SEMA3D: variants seen among roughly 807,000 people sequenced by gnomAD.
SEMA3D encodes semaphorin-3D.
A neutral mutation model predicts 100.1 loss-of-function variants in SEMA3D; 84 were observed. The observed-to-expected ratio is 0.84, with a 90% CI of 0.70 to 1.01. The LOEUF (loss-of-function observed/expected upper bound fraction) is 1.01. SEMA3D is among the 50% of genes least tolerant of loss of function. The pLI is 0.00. For synonymous variants in SEMA3D, 312 were observed against 320.7 expected (o/e 0.97, Z 0.29); for missense variants, 875 against 934.1 (o/e 0.94, Z 0.82).
chr7:85,150,126 T>C (rs750664196), intron 2 of SEMA3D, among the ~76,000 whole-genome samples: 1 of 151,848 alleles, frequency 6.6e-6, no homozygotes, highest in Non-Finnish European at 1.5e-5. Flanking sequence ...ATATGTAATT[T>C]AAGAATATTT....
chr7:85,206,715 A>G, the SEMA3D span, among the ~76,000 whole-genome samples: 3 of 152,190 alleles, frequency 2.0e-5, no homozygotes, highest in African/African-American at 7.2e-5. Context: ...GATTATCTAG[A>G]TCACTTTTCT....
chr7:85,032,435 T>A (rs1442104627), intron 12 of SEMA3D, among the ~76,000 whole-genome samples: 1 of 152,044 alleles, frequency 6.6e-6, no homozygotes, highest in Non-Finnish European at 1.5e-5. Flanking sequence ...AGGCTACCTA[T>A]CTATGCATGA....
At chr7:85,184,487 CTTTG>C (rs1403323445) in intron 1 of SEMA3D, among the ~76,000 whole-genome samples, 2 of 151,264 alleles carry the variant, frequency 1.3e-5, no homozygotes, top group Admixed American at 6.6e-5. Flanking sequence ...ATCTTTATGT[CTTTG>C]TTTTTTTTTT....
At chr7:85,108,005 A>G (rs2116353643) in intron 3 of SEMA3D, among the ~76,000 whole-genome samples, 1 of 152,136 alleles carries the variant, frequency 6.6e-6, no homozygotes, top group East Asian at 1.9e-4. Flanking sequence ...TGATGAAAAT[A>G]CTCCAATACC....
At chr7:85,056,494 A>G (rs1791321311) in intron 8 of SEMA3D, among the ~76,000 whole-genome samples, 1 of 151,732 alleles carries the variant, frequency 6.6e-6, no homozygotes, top group South Asian at 2.1e-4. Context: ...AATTTATATT[A>G]TTATCAAGTG....
intron 3 of SEMA3D, among the ~76,000 whole-genome samples, chr7:85,098,357 G>A (rs114214812): frequency 0.017 from 2,540 of 151,436 alleles, 69 homozygotes; most frequent in African/African-American, 0.058. Context: ...AATTAAATAC[G>A]AAATATTTTA....
At chr7:85,174,228 G>A (rs1482885557) in intron 1 of SEMA3D, among the ~76,000 whole-genome samples, 4 of 152,098 alleles carry the variant, frequency 2.6e-5, no homozygotes, top group African/African-American at 9.7e-5. Context: ...TTTAACCCAC[G>A]GTGATAAAGA....
intron 3 of SEMA3D, among the ~76,000 whole-genome samples, chr7:85,118,658 C>G (rs1333034996): frequency 6.6e-6 from 1 of 152,002 alleles, no homozygotes; most frequent in Non-Finnish European, 1.5e-5. Context: ...CTCATAGATG[C>G]TTTATATTAG....
chr7:85,235,724 A>G, the SEMA3D span, among the ~76,000 whole-genome samples: 2 of 152,182 alleles, frequency 1.3e-5, no homozygotes, highest in African/African-American at 2.4e-5. Context: ...ATCCTAGAAT[A>G]ATGTGTGTGT....
chr7:85,115,214 A>T (rs185606209), intron 3 of SEMA3D, among the ~76,000 whole-genome samples: 17 of 152,328 alleles, frequency 1.1e-4, no homozygotes, highest in Admixed American at 9.8e-4. Context: ...CAGGGCTAGC[A>T]TCCTAGGCTG....
chr7:85,225,828 C>A, the SEMA3D span, among the ~76,000 whole-genome samples: 1 of 152,060 alleles, frequency 6.6e-6, no homozygotes, highest in Non-Finnish European at 1.5e-5. Context: ...TTGCATCCGG[C>A]CAGGGGGACA....
At chr7:85,117,879 A>G (rs1023398669) in intron 3 of SEMA3D, among the ~76,000 whole-genome samples, 6 of 150,886 alleles carry the variant, frequency 4.0e-5, no homozygotes, top group Non-Finnish European at 8.9e-5. Context: ...ATAAAAATAT[A>G]TCTTTTTGTA....
the SEMA3D span, among the ~76,000 whole-genome samples, chr7:85,211,158 T>G: frequency 6.6e-6 from 1 of 152,152 alleles, no homozygotes; most frequent in East Asian, 1.9e-4. Flanking sequence ...TGGGCTTAAA[T>G]GCAAACAACA....
chr7:85,201,475 C>G, the SEMA3D span, among the ~76,000 whole-genome samples: 1 of 152,126 alleles, frequency 6.6e-6, no homozygotes, highest in Non-Finnish European at 1.5e-5. Flanking sequence ...TTAACCTCAG[C>G]TTGGGTTCCA....
At chr7:85,244,726 T>C in the SEMA3D span, among the ~76,000 whole-genome samples, 2 of 149,564 alleles carry the variant, frequency 1.3e-5, no homozygotes, top group Admixed American at 1.3e-4. Context: ...TTTTTTTTTT[T>C]TTTGAGACTT....
the SEMA3D span, among the ~76,000 whole-genome samples, chr7:85,229,011 A>AT: frequency 2.6e-5 from 4 of 151,764 alleles, no homozygotes; most frequent in Admixed American, 6.6e-5. Flanking sequence ...TGTTTCAATG[A>AT]TTTTTTTTCT....
intron 2 of SEMA3D, among the ~76,000 whole-genome samples, chr7:85,149,328 G>A (rs770275214): frequency 1.4e-4 from 22 of 151,960 alleles, no homozygotes; most frequent in Non-Finnish European, 2.2e-4. Context: ...ATGGTGGCAC[G>A]TGCCTGTAAT....
At chr7:85,166,724 G>C (rs1790917387) in intron 1 of SEMA3D, among the ~76,000 whole-genome samples, 2 of 151,904 alleles carry the variant, frequency 1.3e-5, no homozygotes, top group Admixed American at 1.3e-4. Context: ...TTGCATTAGA[G>C]ATGACTGATG....
Position 85,040,632 on chromosome 7 carries a change from T to C in SEMA3D, c.1046+41A>G, listed in dbSNP as rs368459443. 5 of 983,322 alleles carry C rather than the reference T, an allele frequency of 5.1e-6. No individual in the cohort carries two copies. The African/African-American group carries it at 6.4e-5, about 13-fold the overall frequency. 60.9% of individuals were successfully genotyped at this position (983,322 alleles called of 1,614,324 possible). A position where few individuals can be genotyped will look rare whatever the true frequency, so the allele number is the denominator to read the frequency against. On this transcript the variant is annotated intron_variant, in intron 11 of 18. Coordinates refer to ENST00000284136, the MANE Select transcript of SEMA3D (RefSeq NM_001384900.1). ...ATAACTATATTGGCTTGCATACATA[T>C]ACAATTCTCTGAAGCATTAAAAGCA...
Sources: gnomAD v4.1 joint callset for allele counts (sites outside exome capture counted in the v4.1 genomes callset) on GRCh38, gnomAD v4.1.1 for gene constraint, MANE v1.5 for transcripts, NCBI Gene and HGNC (gene_info 2026-07-23, HGNC 2026-07-21) for gene names.